The following PUM1 variants were observed in gnomAD, a reference collection of about 807,000 sequenced individuals.
PUM1 encodes the protein pumilio homolog 1.
In PUM1, 13 loss-of-function variants were observed where a neutral mutation model predicts 131.8. The ratio of observed to expected loss-of-function variants is 0.10; its 90% confidence interval spans 0.06 to 0.16. The LOEUF (loss-of-function observed/expected upper bound fraction) is 0.16, where lower values mean the gene tolerates loss of function less well. Among genes scored for constraint, PUM1 ranks in the 10% least tolerant of loss-of-function variants. PUM1 has a pLI of 1.00. For synonymous variants in PUM1, 509 were observed against 556.5 expected (o/e 0.91, Z 1.20); for missense variants, 961 against 1,512.4 (o/e 0.64, Z 6.05).
chr1:31,023,581 T>C (rs1172935549), intron 3 of PUM1, among the ~76,000 whole-genome samples: 1 of 152,114 alleles, frequency 6.6e-6, no homozygotes, highest in Non-Finnish European at 1.5e-5. Flanking sequence ...TCCCACGAAC[T>C]CTGATGGACA....
At chr1:31,052,548 G>T (rs1245825854) in intron 2 of PUM1, among the ~76,000 whole-genome samples, 1 of 151,212 alleles carries the variant, frequency 6.6e-6, no homozygotes, top group East Asian at 2.0e-4. Context: ...CCTTTTTATT[G>T]TAGATACAGT....
At chr1:30,986,626 G>T (rs933448801) in intron 7 of PUM1, among the ~76,000 whole-genome samples, 1 of 151,488 alleles carries the variant, frequency 6.6e-6, no homozygotes, top group Non-Finnish European at 1.5e-5. Flanking sequence ...CAAAACAAAT[G>T]ATTTCTAAGG....
intron 16 of PUM1, among the ~76,000 whole-genome samples, chr1:30,952,031 A>G (rs1639955678): frequency 6.6e-6 from 1 of 152,224 alleles, no homozygotes; most frequent in South Asian, 2.1e-4. Context: ...ATAGATTGGC[A>G]TTATCTGCTC....
intron 9 of PUM1, among the ~76,000 whole-genome samples, chr1:30,976,779 A>T (rs144781872): frequency 6.6e-6 from 1 of 152,294 alleles, no homozygotes; most frequent in African/African-American, 2.4e-5. Context: ...AGGGGTTAAA[A>T]CATTTTTTAA....
At chr1:30,979,860 T>G (rs951085453) in intron 9 of PUM1, among the ~76,000 whole-genome samples, 1 of 152,138 alleles carries the variant, frequency 6.6e-6, no homozygotes, top group Non-Finnish European at 1.5e-5. Flanking sequence ...CGTATGTGAT[T>G]AATTTGCCTT....
intron 2 of PUM1, among the ~76,000 whole-genome samples, chr1:31,034,717 T>C (rs780678249): frequency 6.6e-6 from 1 of 152,208 alleles, no homozygotes; most frequent in African/African-American, 2.4e-5. Flanking sequence ...CTAGAGTAGA[T>C]TTCCATACTT....
chr1:31,009,767 C>CAAAAAAAAAAA (rs751375199), intron 3 of PUM1, among the ~76,000 whole-genome samples: 3 of 54,684 alleles, frequency 5.5e-5, no homozygotes, highest in African/African-American at 6.5e-5. Context: ...GACTCTGTCT[C>CAAAAAAAAAAA]AAAAAAAAAA....
chr1:30,976,693 A>AT (rs1641149426), intron 9 of PUM1, among the ~76,000 whole-genome samples: 1 of 152,236 alleles, frequency 6.6e-6, no homozygotes, highest in Non-Finnish European at 1.5e-5. Flanking sequence ...ACACTGAAAC[A>AT]CTATACCTGG....
chr1:31,005,124 G>A (rs527940836), intron 5 of PUM1, among the ~76,000 whole-genome samples: 1 of 152,118 alleles, frequency 6.6e-6, no homozygotes, highest in Non-Finnish European at 1.5e-5. Context: ...AACACTTCTC[G>A]ATCTAGAAAG....
At chr1:30,950,104 G>A in intron 17 of PUM1, 23 bp downstream of exon 17, 1 of 1,605,110 alleles carries the variant, frequency 6.2e-7, no homozygotes, top group Non-Finnish European at 8.5e-7. Context: ...AACACCAAGA[G>A]AAAAGTTAAA....
chr1:31,032,966 C>T (rs1021028785), intron 2 of PUM1, among the ~76,000 whole-genome samples: 1 of 151,354 alleles, frequency 6.6e-6, no homozygotes, highest in Non-Finnish European at 1.5e-5. Flanking sequence ...ATTAGCTGGG[C>T]GTGATGGCGC....
intron 17 of PUM1, among the ~76,000 whole-genome samples, chr1:30,946,409 T>C (rs1266098662): frequency 6.7e-6 from 1 of 150,292 alleles, no homozygotes; most frequent in East Asian, 2.0e-4. Flanking sequence ...GAGGCCTAGG[T>C]GGGCAGATCA....
intron 17 of PUM1, among the ~76,000 whole-genome samples, chr1:30,947,949 G>A (rs374345699): frequency 5.4e-5 from 8 of 148,780 alleles, no homozygotes; most frequent in Admixed American, 2.7e-4. Context: ...TCAACCTCCC[G>A]GGCTCAAGCG....
chr1:30,974,587 A>G (rs1641062616), intron 10 of PUM1, 64 bp downstream of exon 10: 2 of 1,444,172 alleles, frequency 1.4e-6, no homozygotes, highest in South Asian at 1.3e-5. Flanking sequence ...GCGCAATATT[A>G]CCTATTAATT....
intron 3 of PUM1, among the ~76,000 whole-genome samples, chr1:31,022,055 G>A (rs1391727872): frequency 6.9e-6 from 1 of 144,998 alleles, no homozygotes; most frequent in Non-Finnish European, 1.5e-5. Context: ...ATATTTTGTA[G>A]CTATTATTAC....
chr1:30,995,244 T>C (rs1426236137), intron 5 of PUM1, 24 bp from the exon 6 acceptor site: 1 of 1,612,962 alleles, frequency 6.2e-7, no homozygotes, highest in Non-Finnish European at 8.5e-7. Context: ...AGCTTCAGCT[T>C]CACTAATCGT....
intron 7 of PUM1, among the ~76,000 whole-genome samples, chr1:30,990,888 T>A (rs575535875): frequency 1.1e-3 from 162 of 152,380 alleles, no homozygotes; most frequent in Non-Finnish European, 2.0e-3. Context: ...CTTGGTTTTA[T>A]ATTTTTGAAT....
rs747524354 is a variant in PUM1, at chr1:31,059,435, C to T, written c.132G>A (p.Ser44=). ...TTGCAGCTGGTTGTGGCTGCGCTTG[C>T]GACCCTGTTCCAGATGTCAAAACAA... The part of the protein sequence containing the change: ...MPVVLTSGTG[S]QAQPQPAANQ... Residue 44 remains serine (S), a synonymous_variant, in exon 2 of 22, where the codon TCG becomes TCA. Transcript: ENST00000426105. 4.1e-5 allele frequency: 66 copies of T among 1,614,030 alleles called. No individual in the cohort carries two copies. Among genetic ancestry groups the T allele is most frequent in the Non-Finnish European group, 3.7e-5 (44 of 1,180,036 alleles).
intron 2 of PUM1, among the ~76,000 whole-genome samples, chr1:31,038,984 A>ATATATATATATTTTTT: frequency 1.2e-4 from 6 of 49,416 alleles, no homozygotes; most frequent in African/African-American, 8.3e-4. Flanking sequence ...ATATATATAT[A>ATATATATATATTTTTT]TTTTTTTTTT....
Sources: gnomAD v4.1 joint callset for allele counts (sites outside exome capture counted in the v4.1 genomes callset) on GRCh38, gnomAD v4.1.1 for gene constraint, MANE v1.5 for transcripts, NCBI Gene and HGNC (gene_info 2026-07-23, HGNC 2026-07-21) for gene names.